The following PRICKLE2 variants were observed in gnomAD, a reference collection of about 807,000 sequenced individuals.
The protein encoded by PRICKLE2 is prickle planar cell polarity protein 2, also known as prickle-like protein 2.
A neutral mutation model predicts 81.4 loss-of-function variants in PRICKLE2; 21 were observed. The observed-to-expected ratio is 0.26, with a 90% confidence interval of 0.18 to 0.37. PRICKLE2 has a LOEUF of 0.37. Among genes scored for constraint, PRICKLE2 ranks in the 10% least tolerant of loss-of-function variants. The pLI, the probability that PRICKLE2 is intolerant of heterozygous loss-of-function variation, is 1.00. For synonymous variants in PRICKLE2, 456 were observed against 421.5 expected, an observed-to-expected ratio of 1.08 and a Z score of -1.00; for missense variants, 940 against 1,109.0, an observed-to-expected ratio of 0.85 and a Z score of 2.16.
intron 2 of PRICKLE2, among the ~76,000 whole-genome samples, chr3:64,195,979 A>T (rs1274789202): frequency 1.3e-5 from 2 of 152,222 alleles, no homozygotes; most frequent in African/African-American, 2.4e-5. Context: ...CTTTCATTTG[A>T]CATAATTCAA....
In PRICKLE2 at chr3:64,157,183, C is replaced by G. The variant is rs17720698; in HGVS notation, c.579G>C (p.Pro193=). Residue 193 remains proline (P), a synonymous_variant, in exon 5 of 8, where the codon CCG becomes CCC. Transcript: ENST00000638394. ...TAACCTCATCGCAGGCAGCACAGCG[C>G]GGCTTCAGGCACTCAGCATGGTGCC... ...CGRHHAECLK[P]RCAACDEIIF... 2 of 1,613,896 alleles carry G rather than the reference C, an allele frequency of 1.2e-6. No individual in the cohort carries two copies. The highest frequency in any genetic ancestry group is 1.7e-6 in the Non-Finnish European group (2 of 1,179,886).
chr3:64,124,186 T>C (rs1050022793), intron 7 of PRICKLE2, among the ~76,000 whole-genome samples: 7 of 152,348 alleles, frequency 4.6e-5, no homozygotes, highest in African/African-American at 1.7e-4. Flanking sequence ...AACATTCCTT[T>C]AAGTCAAAGC....
At chr3:64,240,662 T>G (rs1408193603) in intron 2 of PRICKLE2, among the ~76,000 whole-genome samples, 1 of 152,190 alleles carries the variant, frequency 6.6e-6, no homozygotes, top group South Asian at 2.1e-4. Flanking sequence ...ATGGAATGTC[T>G]GAGCCAGCGG....
intron 5 of PRICKLE2, among the ~76,000 whole-genome samples, chr3:64,155,811 A>G (rs1294297375): frequency 1.3e-5 from 2 of 152,230 alleles, no homozygotes. Flanking sequence ...TGAAATGTCC[A>G]GAACATGTAA....
chr3:64,137,477 A>G (rs1432585), intron 7 of PRICKLE2, among the ~76,000 whole-genome samples: 12,608 of 152,240 alleles, frequency 0.083, 560 homozygotes, highest in Admixed American at 0.13. Flanking sequence ...AGCCATGGTT[A>G]CTGACTGTGG....
chr3:64,170,273 T>C (rs1353235205), intron 2 of PRICKLE2, among the ~76,000 whole-genome samples: 1 of 152,168 alleles, frequency 6.6e-6, no homozygotes, highest in Non-Finnish European at 1.5e-5. Flanking sequence ...TAAAAGCTCA[T>C]TTGCAGTATT....
At position 64,094,540 on chromosome 3, in the gene PRICKLE2, A is replaced by G. The variant is rs2076543860; in HGVS notation, c.*4511T>C. On this transcript the variant is annotated 3_prime_UTR_variant, in exon 8 of 8. Coordinates refer to ENST00000638394, the MANE Select transcript of PRICKLE2 (RefSeq NM_198859.4). ...CCTTTATATTTCCTTGAGGAAAGCT[A>G]GTTTTGTCAGCAGGAAGTAAGCTTA... 6.6e-6 allele frequency: 1 copy of G among 152,210 alleles called. No individual in the cohort carries two copies. The highest frequency in any genetic ancestry group is 1.5e-5 in the Non-Finnish European group (1 of 68,026). The allele number at this position is 152,210 out of a possible 1,614,324, so 9.4% of individuals were successfully genotyped here.
At chr3:64,128,180 A>G (rs942958825) in intron 7 of PRICKLE2, among the ~76,000 whole-genome samples, 15 of 152,142 alleles carry the variant, frequency 9.9e-5, no homozygotes, top group African/African-American at 3.6e-4. Context: ...GGCCTGGTCT[A>G]AGAGTGCCCA....
At chr3:64,180,673 C>T (rs1483942455) in intron 2 of PRICKLE2, among the ~76,000 whole-genome samples, 2 of 152,148 alleles carry the variant, frequency 1.3e-5, no homozygotes, top group Non-Finnish European at 2.9e-5. Context: ...GCTGGGATTA[C>T]AGGCATGTGC....
chr3:64,217,132 T>C (rs1430546892), intron 1 of PRICKLE2, among the ~76,000 whole-genome samples: 1 of 152,104 alleles, frequency 6.6e-6, no homozygotes, highest in Non-Finnish European at 1.5e-5. Flanking sequence ...GCCAGGAGGA[T>C]GCCTACAGAA....
chr3:64,231,682 G>T (rs978789053), intron 2 of PRICKLE2, among the ~76,000 whole-genome samples: 9 of 152,150 alleles, frequency 5.9e-5, no homozygotes, highest in Admixed American at 3.9e-4. Context: ...ATGCCACAGA[G>T]GTACAAACTA....
chr3:64,237,243 A>G (rs917064339), intron 2 of PRICKLE2, among the ~76,000 whole-genome samples: 2 of 152,166 alleles, frequency 1.3e-5, no homozygotes, highest in Admixed American at 6.5e-5. Flanking sequence ...AGCTCAGTGG[A>G]GGGTCAGTGT....
At chr3:64,188,884 C>G (rs1559565536) in intron 2 of PRICKLE2, among the ~76,000 whole-genome samples, 1 of 152,322 alleles carries the variant, frequency 6.6e-6, no homozygotes, top group African/African-American at 2.4e-5. Flanking sequence ...CAGACAAAGC[C>G]TGTCAACTCC....
At chr3:64,240,409 C>T (rs1488960499) in intron 2 of PRICKLE2, among the ~76,000 whole-genome samples, 4 of 152,192 alleles carry the variant, frequency 2.6e-5, no homozygotes, top group Non-Finnish European at 5.9e-5. Flanking sequence ...ATAGCTAATG[C>T]CTCTTTGCAG....
rs2076523068 is a variant in PRICKLE2 at position 64,092,624 on chromosome 3, G to T, written c.*6427C>A. The T allele has an allele frequency of 6.6e-6, 1 of 152,182 alleles. No homozygotes were observed. Among genetic ancestry groups the T allele is most frequent in the Admixed American group, 6.5e-5 (1 of 15,280 alleles). The allele number at this position is 152,182 out of a possible 1,614,324, so 9.4% of individuals were successfully genotyped here. On this transcript the variant is annotated 3_prime_UTR_variant, in exon 8 of 8. Transcript: ENST00000638394. The stretch of plus-strand genomic sequence containing the variant: ...GTCAGTGTTAATGCTGCCCTAACCA[G>T]AACACAGACATGGATGTAATTCTCC...
At chr3:64,100,747 A>G (rs560475215) in intron 7 of PRICKLE2, 1 of 152,204 alleles carries the variant, frequency 6.6e-6, no homozygotes, top group Admixed American at 6.5e-5. Flanking sequence ...TGAGATGAAA[A>G]CCATTTTGAA....
chr3:64,258,747 C>T (rs1169536626), intron 2 of PRICKLE2, among the ~76,000 whole-genome samples: 4 of 147,028 alleles, frequency 2.7e-5, no homozygotes, highest in Non-Finnish European at 3.0e-5. Flanking sequence ...TGGCACGAAC[C>T]CGGGAGGCAG....
intron 2 of PRICKLE2, among the ~76,000 whole-genome samples, chr3:64,241,174 A>C (rs1403502284): frequency 6.6e-6 from 1 of 152,238 alleles, no homozygotes; most frequent in Non-Finnish European, 1.5e-5. Context: ...CTTTATCAAA[A>C]CAGGCACCTA....
intron 7 of PRICKLE2, among the ~76,000 whole-genome samples, chr3:64,131,390 C>T (rs976372418): frequency 6.6e-6 from 1 of 152,216 alleles, no homozygotes; most frequent in Non-Finnish European, 1.5e-5. Context: ...CTCAGTCTTT[C>T]TTCTTAAGGA....
Sources: allele counts gnomAD v4.1 joint callset (sites outside exome capture counted in the v4.1 genomes callset), GRCh38; gene constraint gnomAD v4.1.1; transcripts MANE v1.5; gene names NCBI Gene and HGNC (gene_info 2026-07-23, HGNC 2026-07-21).